KCNH8: variants seen among roughly 807,000 people sequenced by gnomAD.
The protein encoded by KCNH8 is voltage-gated delayed rectifier potassium channel KCNH8.
KCNH8 carries 70 observed loss-of-function variants against 103.6 expected under a neutral mutation model. The ratio of observed to expected loss-of-function variants is 0.68; its 90% CI spans 0.56 to 0.82. The LOEUF (loss-of-function observed/expected upper bound fraction) is 0.82, where lower values mean the gene tolerates loss of function less well. Among genes scored for constraint, KCNH8 ranks in the 40% least tolerant of loss-of-function variants. The pLI, the probability that KCNH8 is intolerant of heterozygous loss-of-function variation, is 0.00. For synonymous variants in KCNH8, 498 were observed against 489.4 expected (o/e 1.02, Z -0.23); for missense variants, 1,217 against 1,329.9 (o/e 0.92, Z 1.32).
intron 7 of KCNH8, among the ~76,000 whole-genome samples, chr3:19,434,393 C>T (rs868624829): frequency 1.6e-4 from 24 of 152,314 alleles, no homozygotes; most frequent in Middle Eastern, 3.4e-3. Context: ...CCTCATCTCC[C>T]TTACACAGAC....
At chr3:19,395,007 T>C in intron 6 of KCNH8, 97 bp from the exon 7 acceptor site, 6 of 832,554 alleles carry the variant, frequency 7.2e-6, no homozygotes, top group Admixed American at 1.8e-5. Flanking sequence ...AAAATAATTA[T>C]ACTTCATTTC....
At chr3:19,425,214 G>A (rs1282569795) in intron 7 of KCNH8, among the ~76,000 whole-genome samples, 1 of 152,138 alleles carries the variant, frequency 6.6e-6, no homozygotes, top group African/African-American at 2.4e-5. Context: ...ACCTGGCCTA[G>A]TAATTATTAT....
Position 19,429,767 on chromosome 3 carries a change from C to T in KCNH8, c.1178-8397C>T, listed in dbSNP as rs1010097866. On this transcript the variant is annotated intron_variant, in intron 7 of 15. Coordinates refer to ENST00000328405, the MANE Select transcript of KCNH8 (RefSeq NM_144633.3). The stretch of plus-strand genomic sequence containing the variant: ...GAAAGGCCCCAGTGTGTGGTGTTCT[C>T]CTGTGTCCATGTGTTCTCATCATTT... Among the ~76,000 whole-genome samples the T allele has an allele frequency of 5.9e-5, 9 of 152,246 alleles. No homozygotes were observed. In the South Asian group the frequency reaches 1.2e-3, roughly 21 times the overall value.
intron 3 of KCNH8, among the ~76,000 whole-genome samples, chr3:19,287,775 G>A (rs1338748427): frequency 3.9e-5 from 6 of 152,224 alleles, no homozygotes; most frequent in East Asian, 1.9e-4. Flanking sequence ...TAGTAGAGAC[G>A]GGGTTTCATC....
intron 11 of KCNH8, among the ~76,000 whole-genome samples, chr3:19,484,800 ATTGT>A (rs2068170178): frequency 2.6e-5 from 4 of 152,014 alleles, no homozygotes; most frequent in African/African-American, 9.7e-5. Flanking sequence ...CTAAGTTGAG[ATTGT>A]TTGTGTAATT....
chr3:19,166,541 A>G (rs2063285625), intron 1 of KCNH8, among the ~76,000 whole-genome samples: 2 of 152,064 alleles, frequency 1.3e-5, no homozygotes, highest in Admixed American at 6.6e-5. Context: ...AACTTCAAAT[A>G]TGTGTTGGAT....
Position 19,156,251 on chromosome 3 carries a change from G to T in KCNH8, c.76+7456G>T, listed in dbSNP as rs140054671. On this transcript the variant is annotated intron_variant, in intron 1 of 15. Transcript: ENST00000328405. The stretch of plus-strand genomic sequence containing the variant: ...TCACAACCCAATAACCCAGCAAGGT[G>T]GAAGGCAGCACCCACTTTTTGAGTC... Among the ~76,000 whole-genome samples the T allele has an allele frequency of 9.9e-4, 150 of 152,262 alleles. 1 individual carries two copies. The highest frequency in any genetic ancestry group is 3.4e-3 in the African/African-American group (141 of 41,564).
Position 19,533,966 on chromosome 3 carries a change from G to T in KCNH8, c.3191G>T (p.Ser1064Ile). 6.2e-7 allele frequency: 1 copy of T among 1,614,124 alleles called. No homozygotes were observed. Among genetic ancestry groups the T allele is most frequent in the Non-Finnish European group, 8.5e-7 (1 of 1,179,996 alleles). The change falls in exon 16 of 16, where the codon AGT becomes ATT. Residue 1064 changes from serine to isoleucine, a missense_variant. Ser to Ile is a moderately radical substitution (Grantham distance 142, BLOSUM62 -2). This residue lies in a region of KCNH8 where 558 missense variants were observed against 495.8 expected (regional missense o/e 1.13). Coordinates refer to ENST00000328405, the MANE Select transcript of KCNH8 (RefSeq NM_144633.3). ...AGTCAGGGAACTGTGAGTTCCTTCA[G>T]TCTGGAAAACTTACCAGGATCTTGG... ...SFSQGTVSSF[S>I]LENLPGSWNQ... is the part of the protein sequence containing the mutation.
chr3:19,190,213 A>AT lies in KCNH8; in HGVS notation c.76+41426dup, dbSNP rs112527808. On this transcript the variant is annotated intron_variant, in intron 1 of 15. Coordinates refer to ENST00000328405, the MANE Select transcript of KCNH8 (RefSeq NM_144633.3). Reference sequence around the variant, plus strand: ...TGGAAACTAATAAATGATTTGTTTCATTTTTTTTCACTTACAGAAGTTCTA... The same window carrying AT: ...TGGAAACTAATAAATGATTTGTTTCATTTTTTTTTCACTTACAGAAGTTCTA... Among the ~76,000 whole-genome samples, 390 of 151,732 alleles carry AT rather than the reference A, an allele frequency of 2.6e-3. 4 individuals carry two copies. Among genetic ancestry groups the AT allele is most frequent in the African/African-American group, 8.5e-3 (350 of 41,404 alleles).
intron 2 of KCNH8, among the ~76,000 whole-genome samples, chr3:19,261,649 A>T (rs901432505): frequency 1.3e-5 from 2 of 151,820 alleles, no homozygotes; most frequent in Non-Finnish European, 2.9e-5. Flanking sequence ...TTTTTGGTGT[A>T]AGATTCAAGA....
At chr3:19,379,835 C>G (rs929405293) in intron 5 of KCNH8, among the ~76,000 whole-genome samples, 2 of 152,054 alleles carry the variant, frequency 1.3e-5, no homozygotes, top group Non-Finnish European at 2.9e-5. Flanking sequence ...CCTGAGTAAC[C>G]TAAGTATTGT....
At chr3:19,364,385 C>G (rs1188463459) in intron 5 of KCNH8, among the ~76,000 whole-genome samples, 1 of 152,040 alleles carries the variant, frequency 6.6e-6, no homozygotes, top group Non-Finnish European at 1.5e-5. Flanking sequence ...CTTTGTCCCA[C>G]AAAGCTATTT....
chr3:19,337,760 CTGAG>C (rs1333427445), intron 3 of KCNH8, among the ~76,000 whole-genome samples: 1 of 152,052 alleles, frequency 6.6e-6, no homozygotes, highest in Non-Finnish European at 1.5e-5. Context: ...AAACAGGCTC[CTGAG>C]TAATCTCCTA....
chr3:19,155,416 G>T (rs2063171335), intron 1 of KCNH8, among the ~76,000 whole-genome samples: 1 of 151,968 alleles, frequency 6.6e-6, no homozygotes, highest in South Asian at 2.1e-4. Flanking sequence ...AGACCCCTGT[G>T]ACCATCAGTC....
chr3:19,302,927 G>A (rs2065081983), intron 3 of KCNH8, among the ~76,000 whole-genome samples: 1 of 152,082 alleles, frequency 6.6e-6, no homozygotes, highest in Admixed American at 6.6e-5. Context: ...TGTCATTCAA[G>A]TCACAAGCCA....
At chr3:19,467,142 G>A (rs948234445) in intron 11 of KCNH8, among the ~76,000 whole-genome samples, 2 of 152,118 alleles carry the variant, frequency 1.3e-5, no homozygotes, top group Admixed American at 1.3e-4. Context: ...GAAGTGGTCT[G>A]AGGTATGCCT....
At chr3:19,220,623 G>C (rs1243048417) in intron 1 of KCNH8, among the ~76,000 whole-genome samples, 1 of 152,038 alleles carries the variant, frequency 6.6e-6, no homozygotes, top group Non-Finnish European at 1.5e-5. Context: ...TTCATGGATG[G>C]CAACATTATC....
intron 1 of KCNH8, among the ~76,000 whole-genome samples, chr3:19,246,608 A>G (rs1456972192): frequency 3.3e-5 from 5 of 152,158 alleles, no homozygotes; most frequent in Admixed American, 2.0e-4. Flanking sequence ...TTACATGCAT[A>G]TAACAGAAAA....
At chr3:19,482,871 G>C (rs1363169334) in intron 11 of KCNH8, among the ~76,000 whole-genome samples, 1 of 152,166 alleles carries the variant, frequency 6.6e-6, no homozygotes, top group African/African-American at 2.4e-5. Flanking sequence ...TTTCTTGCCA[G>C]AGCAGAATAG....
Sources: allele counts gnomAD v4.1 joint callset (sites outside exome capture counted in the v4.1 genomes callset), GRCh38; gene constraint gnomAD v4.1.1; regional missense constraint gnomAD v4.1.1; transcripts MANE v1.5; gene names NCBI Gene and HGNC (gene_info 2026-07-23, HGNC 2026-07-21).